The following PASD1 variants were observed in gnomAD, a reference collection of about 807,000 sequenced individuals.
The protein encoded by PASD1 is circadian clock protein PASD1.
In PASD1, 13 loss-of-function variants were observed where a neutral mutation model predicts 58.8. The observed-to-expected ratio is 0.22, with a 90% CI of 0.14 to 0.35. The LOEUF is 0.35. Among genes scored for constraint, PASD1 ranks in the 10% least tolerant of loss-of-function variants. PASD1 has a pLI of 1.00. For missense variants in PASD1, 734 were observed against 568.3 expected, an observed-to-expected ratio of 1.29 and a Z score of -2.96; for synonymous variants, 236 against 216.7, an observed-to-expected ratio of 1.09 and a Z score of -0.78.
At position 151,604,712 on chromosome X, in the gene PASD1, A is replaced by T; in HGVS notation, c.95A>T (p.Tyr32Phe). The T allele has an allele frequency of 8.3e-7, 1 of 1,206,663 alleles. No homozygotes were observed. The highest frequency in any genetic ancestry group is 1.1e-6 in the Non-Finnish European group (1 of 891,310). Residue 32 changes from tyrosine to phenylalanine, a missense_variant, in exon 3 of 16, where the codon TAC (tyrosine) becomes TTC (phenylalanine). Tyr to Phe is a conservative substitution (Grantham distance 22). Coordinates refer to ENST00000370357, the MANE Select transcript of PASD1 (RefSeq NM_173493.3). ...ATTCCATCATTTCCTACCTATGATT[A>T]CTTCAACCAAGTGACGCTACAGGTA... ...NWIPSFPTYD[Y>F]FNQVTLQLLD...
At chrX:151,672,886 A>G (rs1189918254) in intron 14 of PASD1, 1 of 489,686 alleles carries the variant, frequency 2.0e-6, no homozygotes. Context: ...AGGGGTACCC[A>G]TGAAGAAAGG....
chrX:151,669,775 T>G (rs1182904172), intron 11 of PASD1, among the ~76,000 whole-genome samples: 2 of 112,181 alleles, frequency 1.8e-5, no homozygotes, highest in Non-Finnish European at 3.8e-5. Context: ...ATAACACATT[T>G]TCTTTAGCCA....
rs200724117 is a variant in PASD1, at chrX:151,620,881, C to A, written c.208-49C>A. On this transcript the variant is annotated intron_variant, in intron 4 of 15. Coordinates refer to ENST00000370357, the MANE Select transcript of PASD1 (RefSeq NM_173493.3). The stretch of plus-strand genomic sequence containing the variant: ...CACAGATAAAAAAGTTTACTCTCTC[C>A]CTCTTCCCCTCCTTTTTCCCTCCAC... The A allele has an allele frequency of 1.3e-3, 1,239 of 966,775 alleles. 5 individuals are homozygous for A. Among genetic ancestry groups the A allele is most frequent in the Middle Eastern group, 6.1e-3 (23 of 3,773 alleles). The allele number at this position is 966,775 out of a possible 1,213,427, so 79.7% of individuals were successfully genotyped here.
intron 1 of PASD1, among the ~76,000 whole-genome samples, chrX:151,592,697 T>C (rs1411874757): frequency 1.8e-5 from 2 of 111,730 alleles, no homozygotes; most frequent in Non-Finnish European, 3.8e-5. Flanking sequence ...GATATTTGTG[T>C]GTTTAGTATT....
chrX:151,607,731 G>T (rs2124258017), intron 3 of PASD1, among the ~76,000 whole-genome samples: 1 of 111,910 alleles, frequency 8.9e-6, no homozygotes, highest in African/African-American at 3.2e-5. Context: ...TGGGTTACCT[G>T]GCTTTTCTGG....
chrX:151,580,014 T>C (rs1243574880), intron 1 of PASD1, among the ~76,000 whole-genome samples: 1 of 111,914 alleles, frequency 8.9e-6, no homozygotes, highest in Non-Finnish European at 1.9e-5. Context: ...TAAGAAAAAG[T>C]ATGATTACTT....
intron 1 of PASD1, among the ~76,000 whole-genome samples, chrX:151,590,560 A>G (rs933517303): frequency 6.3e-5 from 7 of 110,933 alleles, no homozygotes; most frequent in African/African-American, 2.0e-4. Flanking sequence ...GACATGTTCC[A>G]CTTTCACTTT....
chrX:151,649,928 T>A (rs1188252791), intron 9 of PASD1, among the ~76,000 whole-genome samples: 1 of 112,297 alleles, frequency 8.9e-6, no homozygotes, highest in African/African-American at 3.2e-5. Flanking sequence ...ATTTTAAACA[T>A]GAAGTGCTGA....
intron 1 of PASD1, among the ~76,000 whole-genome samples, chrX:151,599,595 G>C (rs2013378839): frequency 9.2e-6 from 1 of 108,190 alleles, no homozygotes. Context: ...CGGGGTGGCG[G>C]CGGGGCAGAG....
At position 151,616,716 on chromosome X, in the gene PASD1, C is replaced by T. The variant is rs1010136571; in HGVS notation, c.208-4214C>T. Among the ~76,000 whole-genome samples the T allele has an allele frequency of 4.5e-5, 5 of 111,556 alleles. No homozygotes were observed. The Admixed American group carries it at 4.8e-4, about 11-fold the overall frequency. On this transcript the variant is annotated intron_variant, in intron 4 of 15. Transcript: ENST00000370357. Reference sequence around the variant, plus strand: ...AACGTACACTACATCTGAAAAAATTCTCAGCATTGAATCTTTAAGAGATTA... The same window carrying T: ...AACGTACACTACATCTGAAAAAATTTTCAGCATTGAATCTTTAAGAGATTA...
chrX:151,610,187 T>C (rs1048460922), intron 3 of PASD1, among the ~76,000 whole-genome samples: 2 of 111,518 alleles, frequency 1.8e-5, no homozygotes, highest in Non-Finnish European at 3.8e-5. Flanking sequence ...CAGACATATG[T>C]TGGACTTTCT....
At chrX:151,577,588 G>A (rs915865479) in intron 1 of PASD1, among the ~76,000 whole-genome samples, 4 of 111,526 alleles carry the variant, frequency 3.6e-5, no homozygotes, top group Admixed American at 1.9e-4. Flanking sequence ...GCAGTGGTGC[G>A]ATCTCGACTC....
In PASD1 at chrX:151,601,599, A is replaced by G. The variant is rs769980076; in HGVS notation, c.28+18A>G. On this transcript the variant is annotated intron_variant, in intron 2 of 15. Transcript: ENST00000370357. ...GAGAAGAGGTATGCATTCATAACTG[A>G]CTGACATTTCTGTCAAAGCCCTCTC... 7.5e-6 allele frequency: 9 copies of G among 1,205,242 alleles called. No individual in the cohort carries two copies. Among genetic ancestry groups the G allele is most frequent in the Middle Eastern group, 2.3e-4 (1 of 4,331 alleles).
At chrX:151,671,529 G>A in intron 12 of PASD1, 44 bp from the exon 13 acceptor site, 2 of 1,176,205 alleles carry the variant, frequency 1.7e-6, no homozygotes, top group Non-Finnish European at 2.3e-6. Context: ...TTAAGGAAAG[G>A]TGTGGACTGT....
intron 1 of PASD1, among the ~76,000 whole-genome samples, chrX:151,590,068 C>T (rs2013223680): frequency 8.9e-6 from 1 of 111,764 alleles, no homozygotes; most frequent in Non-Finnish European, 1.9e-5. Flanking sequence ...GGGAGTGTCA[C>T]AAATGAGATA....
chrX:151,618,229 T>A (rs2013662071), intron 4 of PASD1, among the ~76,000 whole-genome samples: 1 of 111,660 alleles, frequency 9.0e-6, no homozygotes, highest in Non-Finnish European at 1.9e-5. Context: ...TCTGCTAATT[T>A]GATCATTGAC....
chrX:151,624,678 C>T (rs909706228), intron 7 of PASD1, among the ~76,000 whole-genome samples: 1 of 111,914 alleles, frequency 8.9e-6, no homozygotes, highest in African/African-American at 3.2e-5. Context: ...GCCAGTGATC[C>T]AGAGAGGGCA....
chrX:151,619,025 T>A (rs1371567475), intron 4 of PASD1, among the ~76,000 whole-genome samples: 1 of 111,653 alleles, frequency 9.0e-6, no homozygotes, highest in Non-Finnish European at 1.9e-5. Context: ...TCATGCTGGC[T>A]GTTCTATAGA....
intron 1 of PASD1, among the ~76,000 whole-genome samples, chrX:151,581,317 G>A (rs2013090385): frequency 9.3e-6 from 1 of 107,561 alleles, no homozygotes. Flanking sequence ...GGGGCCAAGT[G>A]CAGTGGCTCA....
Sources: gnomAD v4.1 joint callset for allele counts (sites outside exome capture counted in the v4.1 genomes callset) on GRCh38, gnomAD v4.1.1 for gene constraint, MANE v1.5 for transcripts, NCBI Gene and HGNC (gene_info 2026-07-23, HGNC 2026-07-21) for gene names.